Variants in COP1 observed in about 807,000 individuals in gnomAD.
COP1 encodes E3 ubiquitin-protein ligase COP1.
COP1 carries 24 observed loss-of-function variants against 101.3 expected under a neutral mutation model. That is an observed-to-expected ratio of 0.24 (90% confidence interval 0.17 to 0.33). The LOEUF (loss-of-function observed/expected upper bound fraction) is 0.33. COP1 is among the 10% of genes least tolerant of loss of function. COP1 has a pLI of 1.00. For synonymous variants in COP1, 347 were observed against 341.9 expected (o/e 1.01, Z -0.17); for missense variants, 663 against 906.2 (o/e 0.73, Z 3.45).
intron 5 of COP1, among the ~76,000 whole-genome samples, chr1:176,150,747 T>C (rs1017047594): frequency 6.6e-6 from 1 of 152,222 alleles, no homozygotes; most frequent in Non-Finnish European, 1.5e-5. Flanking sequence ...CTAGAATATG[T>C]AAATATGACA....
Position 176,027,593 on chromosome 1 carries a change from G to A in COP1, c.1708C>T (p.His570Tyr). The stretch of plus-strand genomic sequence containing the variant: ...TTACCTGCACAGCCGAAAGCCAAAT[G>A]GTATCTGGAAGAGGGGCTGAATTTA... ...CVKFSPSSRY[H>Y]LAFGCADHCV... The change falls in exon 15 of 20, where the codon CAT becomes TAT. Residue 570 changes from histidine to tyrosine, a missense_variant. By Grantham distance (83) the His-to-Tyr change is moderately conservative. This residue lies in a region of COP1 where 209 missense variants were observed against 383.3 expected (regional missense o/e 0.55). Transcript: ENST00000367669. 1 of 1,611,780 alleles carries A rather than the reference G, an allele frequency of 6.2e-7. No individual in the cohort carries two copies. Among genetic ancestry groups the A allele is most frequent in the Non-Finnish European group, 8.5e-7 (1 of 1,178,090 alleles).
intron 11 of COP1, among the ~76,000 whole-genome samples, chr1:176,078,133 G>GA (rs1419735599): frequency 6.6e-6 from 1 of 151,986 alleles, no homozygotes; most frequent in African/African-American, 2.4e-5. Context: ...CACAGAATTA[G>GA]AAAAAAACTA....
chr1:175,981,253 C>A (rs1655784273), intron 18 of COP1, among the ~76,000 whole-genome samples: 4 of 152,066 alleles, frequency 2.6e-5, no homozygotes, highest in Non-Finnish European at 5.9e-5. Context: ...ATGTAGAATT[C>A]ATGGTTTGCA....
chr1:175,996,596 C>G (rs1308563785), intron 15 of COP1, among the ~76,000 whole-genome samples: 1 of 151,904 alleles, frequency 6.6e-6, no homozygotes, highest in African/African-American at 2.4e-5. Flanking sequence ...CATTCTTATA[C>G]ACCAATAACA....
intron 2 of COP1, among the ~76,000 whole-genome samples, chr1:176,181,859 A>T (rs1269823828): frequency 6.6e-6 from 1 of 151,746 alleles, no homozygotes; most frequent in Admixed American, 6.6e-5. Flanking sequence ...AAAACCAAAC[A>T]AATAAACAAA....
At chr1:176,138,557 A>C (rs998518576) in intron 6 of COP1, among the ~76,000 whole-genome samples, 1 of 152,150 alleles carries the variant, frequency 6.6e-6, no homozygotes, top group African/African-American at 2.4e-5. Context: ...AACTCTTTCA[A>C]ATAACAGCTG....
chr1:176,179,565 C>T (rs557433274), intron 2 of COP1, among the ~76,000 whole-genome samples: 2 of 151,870 alleles, frequency 1.3e-5, no homozygotes, highest in Non-Finnish European at 2.9e-5. Context: ...GAAACCCCAA[C>T]TCTAAAAAAA....
At chr1:176,083,393 C>CA (rs1401885996) in intron 10 of COP1, among the ~76,000 whole-genome samples, 4 of 152,128 alleles carry the variant, frequency 2.6e-5, no homozygotes, top group African/African-American at 9.7e-5. Context: ...TAGCTACTTT[C>CA]AACAGAAACC....
intron 15 of COP1, among the ~76,000 whole-genome samples, chr1:176,006,390 T>G (rs1300105914): frequency 6.6e-6 from 1 of 152,210 alleles, no homozygotes; most frequent in Non-Finnish European, 1.5e-5. Context: ...ATCCTGTCAT[T>G]ATGATGTTAG....
intron 15 of COP1, among the ~76,000 whole-genome samples, chr1:175,999,720 C>T (rs1369673009): frequency 6.6e-6 from 1 of 152,052 alleles, no homozygotes; most frequent in Non-Finnish European, 1.5e-5. Context: ...AATTTACATT[C>T]CCACCACCAC....
At chr1:176,195,523 T>C (rs1025476481) in intron 1 of COP1, among the ~76,000 whole-genome samples, 3 of 152,208 alleles carry the variant, frequency 2.0e-5, no homozygotes, top group African/African-American at 7.2e-5. Context: ...GTACTCATTT[T>C]TTTCAAGTGC....
At chr1:176,025,412 G>A (rs1331119942) in intron 15 of COP1, among the ~76,000 whole-genome samples, 1 of 134,052 alleles carries the variant, frequency 7.5e-6, no homozygotes, top group Non-Finnish European at 1.6e-5. Flanking sequence ...AAGGTCCCAA[G>A]ATACAAAACA....
Position 175,958,449 on chromosome 1 carries a change from G to A in COP1, c.2134-11210C>T, listed in dbSNP as rs1013902201. ...AAATAAGGCACTGAATTATCAAAAA[G>A]AAAGGTAAATATTTTTGTCATTCCT... On this transcript the variant is annotated intron_variant, in intron 18 of 19. Transcript: ENST00000367669. Among the ~76,000 whole-genome samples the A allele has an allele frequency of 1.6e-4, 24 of 151,934 alleles. 1 individual carries two copies. Among genetic ancestry groups the A allele is most frequent in the Non-Finnish European group, 2.9e-4 (20 of 67,834 alleles).
At chr1:176,008,238 C>G (rs1041461604) in intron 15 of COP1, among the ~76,000 whole-genome samples, 3 of 152,210 alleles carry the variant, frequency 2.0e-5, no homozygotes, top group Non-Finnish European at 4.4e-5. Flanking sequence ...TCTGCACCCA[C>G]TGTCTGGCAC....
chr1:175,949,190 A>AAAAAAAAAAAAC (rs1558152756), intron 18 of COP1, among the ~76,000 whole-genome samples: 1 of 146,190 alleles, frequency 6.8e-6, no homozygotes, highest in Admixed American at 6.8e-5. Flanking sequence ...AAAAAAAAAA[A>AAAAAAAAAAAAC]AATGAACATG....
At chr1:175,961,526 T>C (rs1651345857) in intron 18 of COP1, among the ~76,000 whole-genome samples, 2 of 151,318 alleles carry the variant, frequency 1.3e-5, no homozygotes, top group African/African-American at 4.9e-5. Context: ...ACAGGGGAAA[T>C]GGACTTTTAA....
At chr1:176,204,849 A>C (rs1572845066) in intron 1 of COP1, among the ~76,000 whole-genome samples, 1 of 151,856 alleles carries the variant, frequency 6.6e-6, no homozygotes, top group East Asian at 1.9e-4. Flanking sequence ...AATTGCTTGA[A>C]CCCGGGAGGC....
chr1:176,138,617 C>T (rs1013052066), intron 6 of COP1, among the ~76,000 whole-genome samples: 13 of 152,114 alleles, frequency 8.5e-5, no homozygotes, highest in Admixed American at 8.5e-4. Context: ...CCAGAGTTTA[C>T]AGGACTTATT....
At chr1:175,947,845 T>A (rs376962529) in intron 18 of COP1, among the ~76,000 whole-genome samples, 2 of 152,152 alleles carry the variant, frequency 1.3e-5, no homozygotes, top group South Asian at 2.1e-4. Flanking sequence ...AAACAAAGAC[T>A]GAAATAAAAT....
Sources: gnomAD v4.1 joint callset for allele counts (sites outside exome capture counted in the v4.1 genomes callset) on GRCh38, gnomAD v4.1.1 for gene constraint, gnomAD v4.1.1 regional missense constraint, MANE v1.5 for transcripts, NCBI Gene and HGNC (gene_info 2026-07-23, HGNC 2026-07-21) for gene names.